The following POLN variants were observed in gnomAD, a reference collection of about 807,000 sequenced individuals.
POLN encodes DNA polymerase N.
Under a neutral mutation model 113.5 loss-of-function variants are expected in POLN, and 108 were observed. The observed-to-expected ratio is 0.95, with a 90% CI of 0.81 to 1.12. The LOEUF (loss-of-function observed/expected upper bound fraction) is 1.12, where lower values mean the gene tolerates loss of function less well. POLN is among the 50% of genes most tolerant of loss of function. The pLI is 0.00. For missense variants in POLN, 1,097 were observed against 1,077.1 expected (o/e 1.02, Z -0.26); for synonymous variants, 386 against 391.5 (o/e 0.99, Z 0.17).
chr4:2,085,557 C>A (rs867436068), intron 21 of POLN, 56 bp downstream of exon 21: 6 of 1,602,644 alleles, frequency 3.7e-6, no homozygotes, highest in Middle Eastern at 4.0e-4. Flanking sequence ...GCTGTCCCCC[C>A]ATCCTCCCAC....
At chr4:2,228,974 T>G in intron 3 of POLN, 125 bp downstream of exon 3, 3 of 881,036 alleles carry the variant, frequency 3.4e-6, no homozygotes, top group Non-Finnish European at 5.1e-6. Context: ...CTGCACTGAA[T>G]GAGTGTAAAA....
intron 13 of POLN, among the ~76,000 whole-genome samples, chr4:2,163,583 T>C (rs183009337): frequency 8.5e-5 from 13 of 152,374 alleles, no homozygotes; most frequent in Admixed American, 6.5e-4. Context: ...CTTCTCTCAC[T>C]GACCTTTAAA....
chr4:2,218,655 G>T (rs1734177347), intron 3 of POLN, among the ~76,000 whole-genome samples: 1 of 152,288 alleles, frequency 6.6e-6, no homozygotes, highest in Non-Finnish European at 1.5e-5. Context: ...TGGGTGGCGG[G>T]ATAACATAGC....
intron 2 of POLN, among the ~76,000 whole-genome samples, chr4:2,234,097 C>T (rs986832616): frequency 1.3e-5 from 2 of 152,034 alleles, no homozygotes; most frequent in African/African-American, 4.8e-5. Context: ...TAACAATAAC[C>T]AGCTACAAAA....
At chr4:2,208,616 A>G in intron 4 of POLN, 129 bp from the exon 5 acceptor site, 2 of 739,814 alleles carry the variant, frequency 2.7e-6, no homozygotes, top group Non-Finnish European at 4.1e-6. Context: ...CCTATGATCA[A>G]ACCTTCTAAG....
chr4:2,148,309 T>C (rs923194876), intron 16 of POLN, among the ~76,000 whole-genome samples: 1 of 152,042 alleles, frequency 6.6e-6, no homozygotes, highest in East Asian at 1.9e-4. Flanking sequence ...TGGGACAAAT[T>C]GACCTAATAT....
In POLN at chr4:2,229,293, TATAAA is replaced by T. The variant is rs1734492935; in HGVS notation, c.-12-55_-12-51del. On this transcript the variant is annotated intron_variant, in intron 2 of 25. Coordinates refer to ENST00000511885, the MANE Select transcript of POLN (RefSeq NM_181808.4). The stretch of plus-strand genomic sequence containing the variant: ...AAATCCCATATATTAATCCTAAGAC[TATAAA>T]ACAGGAAATACAATTATTTTCAAAA... 11 of 1,377,114 alleles carry T rather than the reference TATAAA, an allele frequency of 8.0e-6. 1 individual carries two copies. In the South Asian group the frequency reaches 1.6e-4, roughly 20 times the overall value. The allele number at this position is 1,377,114 out of a possible 1,614,324, so 85.3% of individuals were successfully genotyped here. A position where few individuals can be genotyped will look rare whatever the true frequency, so the allele number is the denominator to read the frequency against.
intron 2 of POLN, among the ~76,000 whole-genome samples, chr4:2,232,859 C>G (rs560027222): frequency 6.6e-6 from 1 of 152,260 alleles, no homozygotes; most frequent in East Asian, 1.9e-4. Flanking sequence ...GCCAGTATCA[C>G]CAAAGAGGTT....
chr4:2,190,964 G>A (rs1181496190), intron 7 of POLN, among the ~76,000 whole-genome samples: 1 of 152,126 alleles, frequency 6.6e-6, no homozygotes, highest in African/African-American at 2.4e-5. Flanking sequence ...ACAGTACGTA[G>A]GTTCCTCAAA....
rs775000687 is a variant in POLN at position 2,072,267 on chromosome 4, G to A, written c.2550C>T (p.Arg850=). 6.3e-7 allele frequency: 1 copy of A among 1,593,344 alleles called. No individual in the cohort carries two copies. The highest frequency in any genetic ancestry group is 1.1e-5 in the South Asian group (1 of 90,168). Residue 850 remains arginine, a synonymous_variant, in exon 26 of 26, where the codon CGC becomes CGT. Coordinates refer to ENST00000511885, the MANE Select transcript of POLN (RefSeq NM_181808.4). Reference sequence around the variant, plus strand: ...GCAGTGGCACCAGGTGTCCCCATGAGCGGCCGGCACTCAGGCTCACCTTGA... The same window carrying A: ...GCAGTGGCACCAGGTGTCCCCATGAACGGCCGGCACTCAGGCTCACCTTGA... ...VPLKVSLSAG[R]SWGHLVPLQE... is the part of the protein sequence containing the mutation.
intron 16 of POLN, among the ~76,000 whole-genome samples, chr4:2,138,188 C>A (rs938150213): frequency 2.0e-5 from 3 of 152,186 alleles, no homozygotes; most frequent in Admixed American, 6.5e-5. Context: ...TCCTGGCACA[C>A]AGGTGTTCAG....
intron 19 of POLN, among the ~76,000 whole-genome samples, chr4:2,108,837 C>A (rs1296944228): frequency 1.3e-5 from 2 of 152,084 alleles, no homozygotes; most frequent in Non-Finnish European, 2.9e-5. Flanking sequence ...GCACACTAAT[C>A]CTCAAAACCT....
chr4:2,156,612 C>A, intron 16 of POLN, 176 bp downstream of exon 16: 1 of 665,848 alleles, frequency 1.5e-6, no homozygotes, highest in Non-Finnish European at 2.7e-6. Context: ...AGAAGAGAAC[C>A]CATCTGTCTT....
intron 5 of POLN, among the ~76,000 whole-genome samples, chr4:2,200,055 T>C (rs778846080): frequency 6.6e-6 from 1 of 152,168 alleles, no homozygotes; most frequent in Non-Finnish European, 1.5e-5. Context: ...TACTCCATGT[T>C]TATGGATCAG....
chr4:2,091,043 G>T (rs1206831625), intron 20 of POLN, among the ~76,000 whole-genome samples: 1 of 152,210 alleles, frequency 6.6e-6, no homozygotes, highest in Non-Finnish European at 1.5e-5. Flanking sequence ...GCCTTCAGGT[G>T]AGGGTCTATA....
chr4:2,218,277 C>CAAAAA (rs376746658), intron 3 of POLN, among the ~76,000 whole-genome samples: 28 of 89,802 alleles, frequency 3.1e-4, no homozygotes, highest in African/African-American at 9.8e-4. Context: ...ACTAAAAATA[C>CAAAAA]AAAAAAAAAA....
At chr4:2,200,164 A>G (rs1733677629) in intron 5 of POLN, among the ~76,000 whole-genome samples, 1 of 152,252 alleles carries the variant, frequency 6.6e-6, no homozygotes, top group Non-Finnish European at 1.5e-5. Context: ...TTTTGCATAA[A>G]TTGACAAACT....
intron 20 of POLN, among the ~76,000 whole-genome samples, chr4:2,086,336 G>T (rs967173495): frequency 6.6e-6 from 1 of 152,146 alleles, no homozygotes; most frequent in African/African-American, 2.4e-5. Flanking sequence ...AGAAAAAAAG[G>T]ACTTTGGCTG....
At chr4:2,140,417 G>T (rs748590894) in intron 16 of POLN, among the ~76,000 whole-genome samples, 23 of 152,116 alleles carry the variant, frequency 1.5e-4, no homozygotes, top group Middle Eastern at 3.2e-3. Context: ...TTTAAAATTT[G>T]TAACTCTTAT....
Sources: allele counts gnomAD v4.1 joint callset (sites outside exome capture counted in the v4.1 genomes callset), GRCh38; gene constraint gnomAD v4.1.1; transcripts MANE v1.5; gene names NCBI Gene and HGNC (gene_info 2026-07-23, HGNC 2026-07-21).